The following AIG1 variants were observed in gnomAD, a reference collection of about 807,000 sequenced individuals.
AIG1 encodes androgen induced 1, also known as androgen-induced gene 1 protein.
In AIG1, 23 loss-of-function variants were observed where a neutral mutation model predicts 31.4. The ratio of observed to expected loss-of-function variants is 0.73; its 90% CI spans 0.53 to 1.04. The LOEUF (loss-of-function observed/expected upper bound fraction) is 1.04. Among genes scored for constraint, AIG1 ranks in the 50% least tolerant of loss-of-function variants. AIG1 has a pLI of 0.00. For synonymous variants in AIG1, 100 were observed against 110.5 expected (o/e 0.90, Z 0.60); for missense variants, 274 against 295.0 (o/e 0.93, Z 0.52).
rs1795518634 is a variant in AIG1, at chr6:143,258,463, A to C, written c.400-25647A>C. Among the ~76,000 whole-genome samples, 1 of 152,248 alleles carries C rather than the reference A, an allele frequency of 6.6e-6. No homozygotes were observed. Among genetic ancestry groups the C allele is most frequent in the African/African-American group, 2.4e-5 (1 of 41,472 alleles). Reference sequence around the variant, plus strand: ...AACACTAAAGAGAGCAATATCTTCCATTCTTACCCATATCCTTTTGCAAAA... The same window carrying C: ...AACACTAAAGAGAGCAATATCTTCCCTTCTTACCCATATCCTTTTGCAAAA... On this transcript the variant is annotated intron_variant, in intron 3 of 5. Transcript: ENST00000357847. This position sits in a 1 kb window ranked among gnomAD's most constrained non-coding sequence, Gnocchi z 4.7.
chr6:143,062,693 T>C (rs1027455585), intron 1 of AIG1, among the ~76,000 whole-genome samples: 2 of 152,246 alleles, frequency 1.3e-5, no homozygotes, highest in African/African-American at 4.8e-5. Context: ...GAAGCAAGCA[T>C]ACCACCCATA....
intron 3 of AIG1, among the ~76,000 whole-genome samples, chr6:143,283,008 G>A (rs1051011674): frequency 6.6e-6 from 1 of 152,170 alleles, no homozygotes; most frequent in Non-Finnish European, 1.5e-5. Flanking sequence ...ATTTAAACCT[G>A]CTGATGGGTC....
intron 3 of AIG1, among the ~76,000 whole-genome samples, chr6:143,244,486 G>A (rs1794471053): frequency 6.6e-6 from 1 of 152,232 alleles, no homozygotes; most frequent in South Asian, 2.1e-4. Context: ...TCCAAGGGCT[G>A]CATGAATTCA....
intron 3 of AIG1, among the ~76,000 whole-genome samples, chr6:143,206,714 A>G (rs1451059167): frequency 6.6e-6 from 1 of 152,242 alleles, no homozygotes; most frequent in Non-Finnish European, 1.5e-5. Context: ...TTTAATTTAA[A>G]GAAAGTTTTT....
chr6:143,145,161 A>G (rs1397082886), intron 2 of AIG1, among the ~76,000 whole-genome samples: 1 of 152,130 alleles, frequency 6.6e-6, no homozygotes, highest in Non-Finnish European at 1.5e-5. Flanking sequence ...AGTAGCTGGG[A>G]CCACAGGTGT....
chr6:143,060,369 G>A (rs995828614), upstream of AIG1: 1 of 172,726 alleles, frequency 5.8e-6, no homozygotes, highest in Non-Finnish European at 1.3e-5. Context: ...CCCTCCGCAC[G>A]GGGCACCAGC....
At chr6:143,199,634 A>G (rs1047955949) in intron 3 of AIG1, among the ~76,000 whole-genome samples, 1 of 152,214 alleles carries the variant, frequency 6.6e-6, no homozygotes, top group Non-Finnish European at 1.5e-5. Context: ...ATATACCCAG[A>G]AAACTTATTT....
At chr6:143,197,789 C>T (rs1344532451) in intron 3 of AIG1, among the ~76,000 whole-genome samples, 1 of 152,158 alleles carries the variant, frequency 6.6e-6, no homozygotes, top group East Asian at 1.9e-4. Context: ...GGAGACAAAC[C>T]CTCTGAGATG....
chr6:143,341,086 C>G (rs374091711), downstream of AIG1, among the ~76,000 whole-genome samples: 2 of 152,146 alleles, frequency 1.3e-5, no homozygotes, highest in Non-Finnish European at 2.9e-5. Flanking sequence ...CTCTCTTTCT[C>G]CCACACACAT....
intron 1 of AIG1, among the ~76,000 whole-genome samples, chr6:143,113,390 G>T (rs912127034): frequency 6.6e-6 from 1 of 151,872 alleles, no homozygotes; most frequent in African/African-American, 2.4e-5. Flanking sequence ...GGATCACGAG[G>T]TCAGGAGTTC....
At chr6:143,070,205 A>G (rs1044011924) in intron 1 of AIG1, among the ~76,000 whole-genome samples, 2 of 152,336 alleles carry the variant, frequency 1.3e-5, no homozygotes, top group Non-Finnish European at 2.9e-5. Flanking sequence ...ATATCTACAG[A>G]TAATTGTACT....
At chr6:143,076,319 C>T (rs994661902) in intron 1 of AIG1, among the ~76,000 whole-genome samples, 1 of 152,150 alleles carries the variant, frequency 6.6e-6, no homozygotes, top group Admixed American at 6.5e-5. Flanking sequence ...ATAAAATGTT[C>T]TTATTCCTAG....
downstream of AIG1, among the ~76,000 whole-genome samples, chr6:143,341,284 C>T (rs1034832585): frequency 6.6e-6 from 1 of 152,154 alleles, no homozygotes; most frequent in African/African-American, 2.4e-5. Flanking sequence ...GCAGTTAGTA[C>T]AGGATCAAAG....
At chr6:143,068,648 T>TA (rs1296541282) in intron 1 of AIG1, among the ~76,000 whole-genome samples, 1 of 152,200 alleles carries the variant, frequency 6.6e-6, no homozygotes, top group Non-Finnish European at 1.5e-5. Context: ...TTTGTGCAAA[T>TA]ACAGGAAACA....
At chr6:143,302,765 G>A (rs552840486) in intron 4 of AIG1, among the ~76,000 whole-genome samples, 3 of 152,308 alleles carry the variant, frequency 2.0e-5, no homozygotes, top group East Asian at 3.9e-4. Flanking sequence ...GGGTCAAATG[G>A]CATTTCTAGT....
chr6:143,222,388 G>T (rs368893720), intron 3 of AIG1, among the ~76,000 whole-genome samples: 186 of 148,900 alleles, frequency 1.2e-3, no homozygotes, highest in Admixed American at 1.9e-3. Flanking sequence ...GTAGTATCTG[G>T]TTTTTTTTTT....
chr6:143,146,827 A>G (rs568930093), intron 2 of AIG1, among the ~76,000 whole-genome samples: 1 of 152,318 alleles, frequency 6.6e-6, no homozygotes, highest in Non-Finnish European at 1.5e-5. Flanking sequence ...TACCATTCCA[A>G]TGATTTGCTT....
intron 1 of AIG1, among the ~76,000 whole-genome samples, chr6:143,107,341 T>A (rs1780893395): frequency 1.3e-5 from 2 of 152,184 alleles, no homozygotes; most frequent in African/African-American, 4.8e-5. Flanking sequence ...ATGTCCTGAA[T>A]AAATATGGAA....
chr6:143,281,958 T>C (rs1471702976), intron 3 of AIG1, among the ~76,000 whole-genome samples: 1 of 152,230 alleles, frequency 6.6e-6, no homozygotes, highest in Non-Finnish European at 1.5e-5. Flanking sequence ...TAGAAAGATA[T>C]TCCTTTTTCA....
Sources: allele counts gnomAD v4.1 joint callset (sites outside exome capture counted in the v4.1 genomes callset), GRCh38; gene constraint gnomAD v4.1.1; non-coding constraint Gnocchi (gnomAD v3.1); transcripts MANE v1.5; gene names NCBI Gene and HGNC (gene_info 2026-07-23, HGNC 2026-07-21).